The following CTBP1 variants were observed in gnomAD, a reference collection of about 807,000 sequenced individuals.
The protein encoded by CTBP1 is C-terminal-binding protein 1.
Under a neutral mutation model 42.1 loss-of-function variants are expected in CTBP1, and 11 were observed. That is an observed-to-expected ratio of 0.26 (90% confidence interval 0.16 to 0.43). The LOEUF (loss-of-function observed/expected upper bound fraction) is 0.43, where lower values mean the gene tolerates loss of function less well. CTBP1 is among the 20% of genes least tolerant of loss of function. CTBP1 has a pLI of 1.00. For missense variants in CTBP1, 399 were observed against 624.3 expected (o/e 0.64, Z 3.85); for synonymous variants, 324 against 277.1 (o/e 1.17, Z -1.68).
chr4:1,240,654 G>A (rs997328097), intron 2 of CTBP1, among the ~76,000 whole-genome samples: 1 of 152,010 alleles, frequency 6.6e-6, no homozygotes, highest in African/African-American at 2.4e-5. Context: ...AGTGGGAACC[G>A]GGTCCCTCAG....
intron 4 of CTBP1, 109 bp from the exon 5 acceptor site, chr4:1,225,675 A>G (rs1730259278): frequency 1.6e-6 from 2 of 1,226,004 alleles, no homozygotes; most frequent in Admixed American, 2.5e-5. Flanking sequence ...GGAAGAAGCC[A>G]AAGGCCGTGT....
chr4:1,223,938 G>A (rs779283367), intron 5 of CTBP1, among the ~76,000 whole-genome samples: 2 of 152,218 alleles, frequency 1.3e-5, no homozygotes, highest in Non-Finnish European at 2.9e-5. Context: ...CAGGATAGGC[G>A]GCTGCAAAGC....
chr4:1,217,605 T>G (rs912427818), intron 5 of CTBP1: 1 of 152,234 alleles, frequency 6.6e-6, no homozygotes, highest in South Asian at 2.1e-4. Flanking sequence ...GAAGTCGGGC[T>G]GCCGGTGGCG....
intron 1 of CTBP1, chr4:1,242,742 G>A (rs1732309033): frequency 1.7e-5 from 17 of 985,368 alleles, no homozygotes; most frequent in Non-Finnish European, 1.9e-5. Flanking sequence ...CATGACCTGC[G>A]CTGCAGCCTC....
chr4:1,225,173 G>A (rs1379414593), intron 5 of CTBP1, among the ~76,000 whole-genome samples, 187 bp downstream of exon 5: 3 of 152,178 alleles, frequency 2.0e-5, no homozygotes, highest in South Asian at 2.1e-4. Context: ...TGTGACGTCC[G>A]TGCACGTAGG....
intron 6 of CTBP1, chr4:1,215,779 G>C (rs1029531097): frequency 1.3e-5 from 8 of 600,392 alleles, no homozygotes; most frequent in Middle Eastern, 8.8e-4. Flanking sequence ...TGTCCAGAGA[G>C]TATTTTAGAT....
At chr4:1,229,552 G>A (rs960960641) in intron 3 of CTBP1, among the ~76,000 whole-genome samples, 1 of 152,172 alleles carries the variant, frequency 6.6e-6, no homozygotes, top group East Asian at 1.9e-4. Context: ...GAGGTTGCCG[G>A]GGCCTAGGTG....
intron 3 of CTBP1, chr4:1,234,734 A>T (rs1054084417): frequency 3.3e-5 from 5 of 152,192 alleles, no homozygotes; most frequent in African/African-American, 1.2e-4. Context: ...CTTTAATACA[A>T]ATCCAGCTTC....
At chr4:1,240,266 C>T (rs1483570380) in intron 2 of CTBP1, among the ~76,000 whole-genome samples, 1 of 122,006 alleles carries the variant, frequency 8.2e-6, no homozygotes, top group African/African-American at 3.0e-5. Flanking sequence ...GTGAGTGGGA[C>T]CGGGTCCCTC....
At chr4:1,240,670 C>T (rs147609697) in intron 2 of CTBP1, among the ~76,000 whole-genome samples, 5 of 152,152 alleles carry the variant, frequency 3.3e-5, no homozygotes, top group East Asian at 3.9e-4. Flanking sequence ...CTCAGCTGAA[C>T]GGTGGGGAGG....
rs969239606 is a variant in CTBP1, at chr4:1,243,430, C to T, written c.-188-1911G>A. 3.0e-6 allele frequency: 3 copies of T among 985,258 alleles called. No homozygotes were observed. The African/African-American group carries it at 5.2e-5, about 17-fold the overall frequency. 61.0% of individuals were successfully genotyped at this position (985,258 alleles called of 1,614,324 possible). On this transcript the variant is annotated intron_variant, in intron 1 of 9. Transcript: ENST00000382952. ...CTGCACCCCATGCCACAGGGACTTCCTGTGGTTCCTTGTTCCAAGGCTGCT... is the reference window on the plus strand; with the variant it reads ...CTGCACCCCATGCCACAGGGACTTCTTGTGGTTCCTTGTTCCAAGGCTGCT...
intron 1 of CTBP1, chr4:1,241,837 G>C (rs904258737): frequency 1.5e-4 from 170 of 1,158,278 alleles, no homozygotes; most frequent in Non-Finnish European, 1.7e-4. Context: ...GATGTCCCCA[G>C]TGTCCAAGAA....
intron 1 of CTBP1, among the ~76,000 whole-genome samples, chr4:1,247,800 T>C (rs997714753): frequency 1.3e-5 from 2 of 150,268 alleles, no homozygotes; most frequent in Admixed American, 6.6e-5. Context: ...CGGAACACCC[T>C]GCGCACCCGC....
intron 2 of CTBP1, among the ~76,000 whole-genome samples, chr4:1,240,712 G>A (rs1460613433): frequency 1.3e-5 from 2 of 152,176 alleles, no homozygotes; most frequent in Non-Finnish European, 2.9e-5. Flanking sequence ...AGCCCCATCA[G>A]GCTCAGGCAC....
At chr4:1,216,925 C>A (rs909223048) in intron 5 of CTBP1, 1 of 153,062 alleles carries the variant, frequency 6.5e-6, no homozygotes, top group East Asian at 1.9e-4. Context: ...ACCCCAAGCC[C>A]GCGAACGTGG....
chr4:1,215,533 C>T (rs1401288751), intron 6 of CTBP1: 2 of 251,112 alleles, frequency 8.0e-6, no homozygotes, highest in Non-Finnish European at 1.6e-5. Flanking sequence ...GACCTGAGCA[C>T]AGCCCGTTCC....
chr4:1,213,781 G>C (rs778112989), intron 7 of CTBP1, 176 bp from the exon 8 acceptor site: 1 of 751,368 alleles, frequency 1.3e-6, no homozygotes, highest in Non-Finnish European at 2.0e-6. Context: ...GGGACCATCA[G>C]ACACACCAGG....
At chr4:1,237,771 G>A in intron 3 of CTBP1, 1 of 699,256 alleles carries the variant, frequency 1.4e-6, no homozygotes, top group South Asian at 1.5e-5. Flanking sequence ...ATGGGGCTCA[G>A]GACAAACCCC....
chr4:1,213,718 C>T lies in CTBP1; in HGVS notation c.861-113G>A, dbSNP rs192639114. ...GGGGGCCCTGCCTGGGAACCACAGACCCCACGGCCCTGCTCTGCTCGGCAG... is the reference window on the plus strand; with the variant it reads ...GGGGGCCCTGCCTGGGAACCACAGATCCCACGGCCCTGCTCTGCTCGGCAG... On this transcript the variant is annotated intron_variant, in intron 7 of 9. Coordinates refer to ENST00000382952, the MANE Select transcript of CTBP1 (RefSeq NM_001012614.2). The T allele has an allele frequency of 4.3e-4, 599 of 1,386,096 alleles. 2 individuals carry two copies. The African/African-American group carries it at 7.9e-3, about 18-fold the overall frequency. 85.9% of individuals were successfully genotyped at this position (1,386,096 alleles called of 1,614,324 possible). A position where few individuals can be genotyped will look rare whatever the true frequency, so the allele number is the denominator to read the frequency against.
Sources: allele counts gnomAD v4.1 joint callset (sites outside exome capture counted in the v4.1 genomes callset), GRCh38; gene constraint gnomAD v4.1.1; transcripts MANE v1.5; gene names NCBI Gene and HGNC (gene_info 2026-07-23, HGNC 2026-07-21).